ROBO4: variants seen among roughly 807,000 people sequenced by gnomAD.
ROBO4 encodes roundabout guidance receptor 4.
In ROBO4, 80 loss-of-function variants were observed where a neutral mutation model predicts 103.3. The ratio of observed to expected loss-of-function variants is 0.77; its 90% CI spans 0.65 to 0.93. The LOEUF (loss-of-function observed/expected upper bound fraction) is 0.93, where lower values mean the gene tolerates loss of function less well. Ranked by LOEUF, ROBO4 falls within the 40% of genes least tolerant of loss-of-function variation. ROBO4 has a pLI of 0.00. For synonymous variants in ROBO4, 504 were observed against 529.7 expected (o/e 0.95, Z 0.67); for missense variants, 1,333 against 1,305.3 (o/e 1.02, Z -0.33).
At chr11:124,891,953 T>G (rs1206250965) in intron 10 of ROBO4, 151 bp from the exon 11 acceptor site, 14 of 900,612 alleles carry the variant, frequency 1.6e-5, no homozygotes, top group Non-Finnish European at 2.5e-5. Context: ...CACAGACTCC[T>G]TAAGATCTCT....
chr11:124,897,356 GC>G, intron 1 of ROBO4, 95 bp from the exon 2 acceptor site: 1 of 993,872 alleles, frequency 1.0e-6, no homozygotes, highest in Non-Finnish European at 1.4e-6. Context: ...GTGCGAGTTT[GC>G]CAGAAAACCT....
intron 12 of ROBO4, 70 bp from the exon 13 acceptor site, chr11:124,887,910 T>A: frequency 7.8e-7 from 1 of 1,276,256 alleles, no homozygotes; most frequent in African/African-American, 1.5e-5. Flanking sequence ...TGGCTCTATC[T>A]TCAGCCTTAT....
In ROBO4 at chr11:124,893,862, G is replaced by A. The variant is rs1946835860; in HGVS notation, c.1502C>T (p.Pro501Leu). 12 of 1,613,022 alleles carry A rather than the reference G, an allele frequency of 7.4e-6. No homozygotes were observed. The East Asian group carries it at 2.7e-4, about 36-fold the overall frequency. The change falls in exon 9 of 18, where the codon CCA (proline) becomes CTA (leucine). Residue 501 changes from proline (P) to leucine (L), a missense_variant and splice_region_variant. Physicochemically the swap from Pro to Leu is moderately conservative, Grantham distance 98. Coordinates refer to ENST00000306534, the MANE Select transcript of ROBO4 (RefSeq NM_019055.6). ...GTGGGTCCCCCTCAGACTCTCACCT[G>A]GGCCCAGGTGCACCCTAGCTCGGCG... ...RRRRARVHLG[P>L]GLYRYTSEDA...
chr11:124,896,348 C>A lies in ROBO4; in HGVS notation c.559-30G>T, dbSNP rs375275208. ...CAGGGCCAGGTTCACTGTGAAGTCT[C>A]CTATGTGGGGAGGGGCTCTGAGCTG... On this transcript the variant is annotated intron_variant, in intron 3 of 17. Transcript: ENST00000306534. The A allele has an allele frequency of 1.8e-5, 29 of 1,612,564 alleles. No individual in the cohort carries two copies. The African/African-American group carries it at 3.5e-4, about 19-fold the overall frequency.
rs770956089 is a variant in ROBO4, at chr11:124,887,722, C to T, written c.2056+11G>A. 9.3e-6 allele frequency: 15 copies of T among 1,611,120 alleles called. No homozygotes were observed. The South Asian group carries it at 1.5e-4, about 17-fold the overall frequency. On this transcript the variant is annotated intron_variant, in intron 13 of 17. Coordinates refer to ENST00000306534, the MANE Select transcript of ROBO4 (RefSeq NM_019055.6). ...CACCCCTTCACTTCCCTTTCAGGGA[C>T]CCCCTCTCACCTGGGCTTTGGGAAA... is the stretch of plus-strand genomic sequence containing the variant.
intron 17 of ROBO4, 22 bp downstream of exon 17, chr11:124,885,019 A>G (rs1366045701): frequency 6.2e-7 from 1 of 1,613,960 alleles, no homozygotes; most frequent in Admixed American, 1.7e-5. Context: ...TGAACACATT[A>G]GCCAGGAAGA....
At chr11:124,887,255 C>G (rs1182998722) in intron 14 of ROBO4, 42 bp from the exon 15 acceptor site, 3 of 1,589,744 alleles carry the variant, frequency 1.9e-6, no homozygotes, top group Non-Finnish European at 2.6e-6. Flanking sequence ...GTTACTACAG[C>G]TCTTCAAGTC....
intron 10 of ROBO4, chr11:124,892,028 A>G (rs1215819689): frequency 1.4e-6 from 1 of 701,390 alleles, no homozygotes; most frequent in Non-Finnish European, 2.6e-6. Context: ...CGAGTCACCC[A>G]GAGCTGGGAG....
Position 124,887,748 on chromosome 11 carries a change from G to T in ROBO4, c.2041C>A (p.Leu681Ile), listed in dbSNP as rs148980564. The T allele has an allele frequency of 6.9e-5, 111 of 1,614,002 alleles. No individual in the cohort carries two copies. The African/African-American group carries it at 9.9e-4, about 14-fold the overall frequency. ...CCCCTCTCACCTGGGCTTTGGGAAA[G>T]GTTCTTGGAACCTCTATTTCCTAAC... The part of the protein sequence containing the change: ...CELGNRGSKN[L>I]SQSPGAVPQA... Residue 681 changes from leucine (L) to isoleucine (I), a missense_variant, in exon 13 of 18, where the codon CTT (leucine) becomes ATT (isoleucine). Transcript: ENST00000306534.
Position 124,884,883 on chromosome 11 carries a change from G to A in ROBO4, c.*8C>T. 2 of 1,614,202 alleles carry A rather than the reference G, an allele frequency of 1.2e-6. No homozygotes were observed. Among genetic ancestry groups the A allele is most frequent in the Non-Finnish European group, 1.7e-6 (2 of 1,180,014 alleles). On this transcript the variant is annotated 3_prime_UTR_variant, in exon 18 of 18. Coordinates refer to ENST00000306534, the MANE Select transcript of ROBO4 (RefSeq NM_019055.6). ...TGATTCCCGTCTGGGAAGTCTCAGG[G>A]ACACGGTTCAGGAGTAATCTACAGG...
Position 124,896,575 on chromosome 11 carries a change from C to T in ROBO4, c.496G>A (p.Glu166Lys), listed in dbSNP as rs775827117. Reference sequence around the variant, plus strand: ...TCTTTCCACCATGAGACTGTGGGCTCTGGGTGGCCCCAGGGCGGCCCACAT... The same window carrying T: ...TCTTTCCACCATGAGACTGTGGGCTTTGGGTGGCCCCAGGGCGGCCCACAT... The part of the protein sequence containing the change: ...LECGPPWGHP[E>K]PTVSWWKDGK... Residue 166 changes from glutamate (E) to lysine (K), a missense_variant, in exon 3 of 18, where the codon GAG becomes AAG. By Grantham distance (56) the Glu-to-Lys change is moderately conservative. Coordinates refer to ENST00000306534, the MANE Select transcript of ROBO4 (RefSeq NM_019055.6). The T allele has an allele frequency of 3.7e-6, 6 of 1,614,128 alleles. No homozygotes were observed. The Admixed American group carries it at 1.0e-4, about 27-fold the overall frequency.
At position 124,897,091 on chromosome 11, in the gene ROBO4, G is replaced by T. The variant is rs775115790; in HGVS notation, c.241C>A (p.His81Asn). 4 of 1,607,332 alleles carry T rather than the reference G, an allele frequency of 2.5e-6. No individual in the cohort carries two copies. In the African/African-American group the frequency reaches 4.0e-5, roughly 16 times the overall value. The change falls in exon 2 of 18, where the codon CAC (histidine) becomes AAC (asparagine). Residue 81 changes from histidine (H) to asparagine (N), a missense_variant. Physicochemically the swap from His to Asn is moderately conservative, Grantham distance 68. Transcript: ENST00000306534. The stretch of plus-strand genomic sequence containing the variant: ...AGAAGGGTCCCATCAGGCAGGAGGT[G>T]GTGTGGGTCTGGGGGCACCATGCTC... ...PLSMVPPDPH[H>N]LLPDGTLLLL...
In ROBO4 at chr11:124,896,514, G is replaced by A; in HGVS notation, c.557C>T (p.Thr186Ile). 6.2e-7 allele frequency: 1 copy of A among 1,613,832 alleles called. No homozygotes were observed. The highest frequency in any genetic ancestry group is 8.5e-7 in the Non-Finnish European group (1 of 1,179,884). ...TGTGGGGGAGGGGGCCACACTTACT[G>A]TGTGCCTTCCGGGCTGGAGGGCCAG... ...KPLALQPGRH[T>I]VSGGSLLMAR... The change falls in exon 3 of 18, where the codon ACA becomes ATA. Residue 186 changes from threonine to isoleucine, a missense_variant and splice_region_variant. Thr to Ile is a moderately conservative substitution (Grantham distance 89). Coordinates refer to ENST00000306534, the MANE Select transcript of ROBO4 (RefSeq NM_019055.6).
chr11:124,896,620 C>T lies in ROBO4; in HGVS notation c.451G>A (p.Gly151Ser), dbSNP rs758122086. The T allele has an allele frequency of 6.2e-7, 1 of 1,614,134 alleles. No homozygotes were observed. The highest frequency in any genetic ancestry group is 8.5e-7 in the Non-Finnish European group (1 of 1,180,000). The stretch of plus-strand genomic sequence containing the variant: ...CCACATTCCAGAGTAAACTGCTCAC[C>T]CACCACAGCCACCATGTCCCGAGGC... ...IQPRDMVAVV[G>S]EQFTLECGPP... Residue 151 changes from glycine to serine, a missense_variant, in exon 3 of 18, where the codon GGT becomes AGT. Coordinates refer to ENST00000306534, the MANE Select transcript of ROBO4 (RefSeq NM_019055.6).
chr11:124,888,889 G>T (rs1946758871), intron 12 of ROBO4, among the ~76,000 whole-genome samples: 2 of 152,192 alleles, frequency 1.3e-5, no homozygotes, highest in African/African-American at 4.8e-5. Context: ...AAGGAGAAAA[G>T]AAACAGCCTT....
chr11:124,895,394 G>A lies in ROBO4; in HGVS notation c.1036+63C>T, dbSNP rs563033581. The A allele has an allele frequency of 1.5e-4, 218 of 1,502,912 alleles. No homozygotes were observed. The Middle Eastern group carries it at 3.9e-3, about 27-fold the overall frequency. 93.1% of individuals were successfully genotyped at this position (1,502,912 alleles called of 1,614,324 possible). On this transcript the variant is annotated intron_variant, in intron 6 of 17. Transcript: ENST00000306534. ...CAAGACTGAAGCAGAACAGTCCAGGGGCCCCCAAATAAGAAGGAGCCAGAG... is the reference window on the plus strand; with the variant it reads ...CAAGACTGAAGCAGAACAGTCCAGGAGCCCCCAAATAAGAAGGAGCCAGAG...
chr11:124,896,105 C>T, intron 4 of ROBO4, 93 bp downstream of exon 4: 4 of 1,557,082 alleles, frequency 2.6e-6, no homozygotes, highest in Admixed American at 1.8e-5. Flanking sequence ...TTGACCCTGA[C>T]CCCACATACC....
chr11:124,895,015 C>T (rs1267127384), intron 7 of ROBO4, 66 bp downstream of exon 7: 35 of 1,216,498 alleles, frequency 2.9e-5, no homozygotes, highest in Non-Finnish European at 4.1e-5. Flanking sequence ...CAAGGGTATG[C>T]AGAACTCCAG....
Position 124,887,803 on chromosome 11 carries a change from G to T in ROBO4, c.1986C>A (p.Gly662=), listed in dbSNP as rs747711430. 1 of 1,613,870 alleles carries T rather than the reference G, an allele frequency of 6.2e-7. No individual in the cohort carries two copies. Among genetic ancestry groups the T allele is most frequent in the African/African-American group, 1.3e-5 (1 of 74,906 alleles). Residue 662 remains glycine, a synonymous_variant, in exon 13 of 18, where the codon GGC becomes GGA. Coordinates refer to ENST00000306534, the MANE Select transcript of ROBO4 (RefSeq NM_019055.6). Reference sequence around the variant, plus strand: ...AGGCCCGGAGCTCCAAGGAGTGGCTGCCCCGGAGCAGTGGGGAACTGTTGG... The same window carrying T: ...AGGCCCGGAGCTCCAAGGAGTGGCTTCCCCGGAGCAGTGGGGAACTGTTGG... ...QHANSSPLLR[G]SHSLELRACE...
Sources: allele counts gnomAD v4.1 joint callset (sites outside exome capture counted in the v4.1 genomes callset), GRCh38; gene constraint gnomAD v4.1.1; transcripts MANE v1.5; gene names NCBI Gene and HGNC (gene_info 2026-07-23, HGNC 2026-07-21).